CNNM4: variants seen among roughly 807,000 people sequenced by gnomAD.
The protein encoded by CNNM4 is cyclin and CBS domain divalent metal cation transport mediator 4.
Under a neutral mutation model 53.7 loss-of-function variants are expected in CNNM4, and 32 were observed. That is an observed-to-expected ratio of 0.60 (90% CI 0.45 to 0.80). The LOEUF (loss-of-function observed/expected upper bound fraction) is 0.80, where lower values mean the gene tolerates loss of function less well. CNNM4 is among the 30% of genes least tolerant of loss of function. The probability of loss-of-function intolerance (pLI) is 0.00; values close to 1 mark genes in which losing one functional copy is unlikely to be tolerated. For synonymous variants in CNNM4, 410 were observed against 440.0 expected, an observed-to-expected ratio of 0.93 and a Z score of 0.85; for missense variants, 784 against 1,022.0, an observed-to-expected ratio of 0.77 and a Z score of 3.17.
At chr2:96,782,976 C>A (rs1018960100) in intron 1 of CNNM4, among the ~76,000 whole-genome samples, 1 of 151,922 alleles carries the variant, frequency 6.6e-6, no homozygotes, top group Admixed American at 6.6e-5. Context: ...GAGGTCAATG[C>A]GGGAGGATCT....
intron 1 of CNNM4, among the ~76,000 whole-genome samples, chr2:96,777,578 G>A (rs1347661449): frequency 6.6e-6 from 1 of 152,132 alleles, no homozygotes; most frequent in Non-Finnish European, 1.5e-5. Flanking sequence ...TTGGCTCACT[G>A]CAACCTCCAC....
intron 5 of CNNM4, among the ~76,000 whole-genome samples, chr2:96,802,541 C>T (rs1334381130): frequency 6.6e-6 from 1 of 152,290 alleles, no homozygotes; most frequent in Non-Finnish European, 1.5e-5. Flanking sequence ...ACTGCCTAGT[C>T]AAGAGCCACC....
chr2:96,771,709 A>G (rs1180550766), intron 1 of CNNM4, among the ~76,000 whole-genome samples: 1 of 148,904 alleles, frequency 6.7e-6, no homozygotes, highest in East Asian at 2.0e-4. Flanking sequence ...GCCACACTCC[A>G]TCTCAAAAAA....
intron 1 of CNNM4, among the ~76,000 whole-genome samples, chr2:96,764,454 G>A (rs2078794711): frequency 2.0e-5 from 3 of 152,134 alleles, no homozygotes; most frequent in African/African-American, 7.2e-5. Context: ...CAGCACAGCA[G>A]GCCGCCCTGG....
At chr2:96,783,399 G>A (rs529030918) in intron 1 of CNNM4, among the ~76,000 whole-genome samples, 2 of 152,296 alleles carry the variant, frequency 1.3e-5, no homozygotes, top group East Asian at 3.9e-4. Context: ...GGACTGCTGG[G>A]ACCCCCTGCA....
chr2:96,792,131 T>C (rs2079067288), intron 1 of CNNM4, among the ~76,000 whole-genome samples: 1 of 151,098 alleles, frequency 6.6e-6, no homozygotes, highest in Non-Finnish European at 1.5e-5. Flanking sequence ...GGCAGGTGCC[T>C]GTAATCAGGC....
At chr2:96,783,551 G>C (rs778268838) in intron 1 of CNNM4, among the ~76,000 whole-genome samples, 21 of 152,196 alleles carry the variant, frequency 1.4e-4, no homozygotes, top group Non-Finnish European at 2.8e-4. Context: ...GACAGCCGTA[G>C]CTTCTGAAAC....
chr2:96,796,554 G>A (rs531761534), intron 1 of CNNM4, among the ~76,000 whole-genome samples: 2 of 152,124 alleles, frequency 1.3e-5, no homozygotes, highest in Non-Finnish European at 2.9e-5. Flanking sequence ...TTGAGCCCAG[G>A]AGTTTGAGAC....
At chr2:96,779,508 CAAAAAA>C (rs1178143077) in intron 1 of CNNM4, among the ~76,000 whole-genome samples, 1 of 62,050 alleles carries the variant, frequency 1.6e-5, no homozygotes. Flanking sequence ...GACCTCGTCT[CAAAAAA>C]AAAAAAAAAA....
chr2:96,765,037 T>G (rs2078802825), intron 1 of CNNM4, among the ~76,000 whole-genome samples: 6 of 99,350 alleles, frequency 6.0e-5, no homozygotes, highest in Non-Finnish European at 7.7e-5. Context: ...TTTTTTTTTT[T>G]TTTTTTTTTT....
intron 1 of CNNM4, among the ~76,000 whole-genome samples, chr2:96,765,677 C>T (rs908098130): frequency 6.6e-6 from 1 of 152,150 alleles, no homozygotes; most frequent in Non-Finnish European, 1.5e-5. Context: ...TTTCACCACT[C>T]AGTGCTTGGT....
At chr2:96,780,067 T>C (rs1270106545) in intron 1 of CNNM4, among the ~76,000 whole-genome samples, 1 of 152,172 alleles carries the variant, frequency 6.6e-6, no homozygotes, top group African/African-American at 2.4e-5. Context: ...CCCAAAGTGC[T>C]GGGGTTACAG....
intron 3 of CNNM4, chr2:96,798,461 C>A (rs932156661): frequency 1.8e-5 from 3 of 166,650 alleles, no homozygotes; most frequent in African/African-American, 7.2e-5. Flanking sequence ...GAATTCACTT[C>A]TAGTTCAGAG....
chr2:96,765,762 T>A (rs1478464883), intron 1 of CNNM4, among the ~76,000 whole-genome samples: 1 of 151,890 alleles, frequency 6.6e-6, no homozygotes, highest in Non-Finnish European at 1.5e-5. Flanking sequence ...CCCACTGGCC[T>A]TTTTGCTGTT....
intron 5 of CNNM4, among the ~76,000 whole-genome samples, chr2:96,806,547 G>GCGCA (rs2079210652): frequency 6.8e-6 from 1 of 146,422 alleles, no homozygotes; most frequent in Admixed American, 6.7e-5. Context: ...GCGCGCGCGC[G>GCGCA]CGCGCGCCCT....
intron 1 of CNNM4, among the ~76,000 whole-genome samples, chr2:96,783,362 C>A (rs1357924529): frequency 1.3e-5 from 2 of 152,180 alleles, no homozygotes; most frequent in Non-Finnish European, 2.9e-5. Context: ...AGGGTCTGAA[C>A]TCAGAAGGAC....
At chr2:96,805,520 C>T (rs2079196424) in intron 5 of CNNM4, among the ~76,000 whole-genome samples, 1 of 119,256 alleles carries the variant, frequency 8.4e-6, no homozygotes, top group Non-Finnish European at 1.7e-5. Flanking sequence ...GGTCATGGGA[C>T]AATAGTGGAG....
intron 5 of CNNM4, among the ~76,000 whole-genome samples, chr2:96,802,547 C>A (rs2079168992): frequency 6.6e-6 from 1 of 152,250 alleles, no homozygotes; most frequent in East Asian, 1.9e-4. Context: ...TAGTCAAGAG[C>A]CACCTCCACA....
At chr2:96,770,361 G>A (rs2078857814) in intron 1 of CNNM4, among the ~76,000 whole-genome samples, 1 of 152,232 alleles carries the variant, frequency 6.6e-6, no homozygotes, top group African/African-American at 2.4e-5. Context: ...ATACACAGGA[G>A]CACAACATCA....
Sources: allele counts gnomAD v4.1 joint callset (sites outside exome capture counted in the v4.1 genomes callset), GRCh38; gene constraint gnomAD v4.1.1; transcripts MANE v1.5; gene names NCBI Gene and HGNC (gene_info 2026-07-23, HGNC 2026-07-21).